MRPS35: variants seen among roughly 807,000 people sequenced by gnomAD.
MRPS35 encodes the protein mitochondrial ribosomal protein S35.
In MRPS35, 29 loss-of-function variants were observed where a neutral mutation model predicts 32.7. The ratio of observed to expected loss-of-function variants is 0.89; its 90% CI spans 0.66 to 1.21. The LOEUF (loss-of-function observed/expected upper bound fraction) is 1.21. Ranked by LOEUF, MRPS35 falls within the 50% of genes most tolerant of loss-of-function variation. The pLI is 0.00. For missense variants in MRPS35, 373 were observed against 383.8 expected, an observed-to-expected ratio of 0.97 and a Z score of 0.23; for synonymous variants, 148 against 139.3, an observed-to-expected ratio of 1.06 and a Z score of -0.44.
chr12:27,738,899 T>C (rs2140774307), intron 7 of MRPS35, among the ~76,000 whole-genome samples: 1 of 151,920 alleles, frequency 6.6e-6, no homozygotes, highest in East Asian at 1.9e-4. Context: ...AGACAGACTT[T>C]GGTTTACTGA....
chr12:27,725,878 T>C (rs1338827052), intron 5 of MRPS35, among the ~76,000 whole-genome samples: 1 of 138,232 alleles, frequency 7.2e-6, no homozygotes, highest in Non-Finnish European at 1.5e-5. Context: ...CGATCTTGGC[T>C]CACTGCAGTC....
Position 27,755,629 on chromosome 12 carries a change from T to C in MRPS35, c.*179T>C. 2.1e-5 allele frequency: 10 copies of C among 481,028 alleles called. No homozygotes were observed. Among genetic ancestry groups the C allele is most frequent in the Non-Finnish European group, 2.4e-5 (7 of 291,110 alleles). The allele number at this position is 481,028 out of a possible 1,614,324, so 29.8% of individuals were successfully genotyped here. ...CTCCAGAGTTTTTTAATTTTTACAC[T>C]GGGGCAATAGACTAGGAGGTCTCTG... is the stretch of plus-strand genomic sequence containing the variant. On this transcript the variant is annotated 3_prime_UTR_variant, in exon 8 of 8. Transcript: ENST00000081029.
intron 7 of MRPS35, among the ~76,000 whole-genome samples, chr12:27,749,329 CA>C (rs35621557): frequency 1.4e-5 from 2 of 148,036 alleles, no homozygotes; most frequent in Admixed American, 6.7e-5. Context: ...GGAAACTTAC[CA>C]AAAAAAAAGC....
intron 4 of MRPS35, among the ~76,000 whole-genome samples, chr12:27,720,511 G>T (rs537130228): frequency 1.6e-4 from 24 of 151,920 alleles, no homozygotes; most frequent in African/African-American, 5.8e-4. Flanking sequence ...TAAAAAATTA[G>T]TGACACATGC....
In MRPS35 at chr12:27,716,288, T is replaced by C. The variant is rs1490810422; in HGVS notation, c.154-3T>C. On this transcript the variant is annotated splice_region_variant and splice_polypyrimidine_tract_variant and intron_variant, in intron 2 of 7. Coordinates refer to ENST00000081029, the MANE Select transcript of MRPS35 (RefSeq NM_021821.4). ...AAATACTAAACGATTTTATATTTCT[T>C]AGGCACTACCTCCTAGGACAGAGAA... 1 of 1,558,974 alleles carries C rather than the reference T, an allele frequency of 6.4e-7. No homozygotes were observed. The highest frequency in any genetic ancestry group is 2.1e-5 in the Admixed American group (1 of 47,436).
At chr12:27,743,384 C>A (rs1005990217) in intron 7 of MRPS35, among the ~76,000 whole-genome samples, 1 of 151,762 alleles carries the variant, frequency 6.6e-6, no homozygotes, top group African/African-American at 2.4e-5. Flanking sequence ...ATAAATTAGC[C>A]GGGTGTGGTG....
At chr12:27,713,124 A>G (rs773394037) in intron 1 of MRPS35, among the ~76,000 whole-genome samples, 2 of 152,202 alleles carry the variant, frequency 1.3e-5, no homozygotes, top group Non-Finnish European at 2.9e-5. Context: ...AATTTCAGCC[A>G]TATTGAATTT....
intron 5 of MRPS35, among the ~76,000 whole-genome samples, chr12:27,731,629 C>T (rs185868410): frequency 4.6e-5 from 7 of 152,194 alleles, no homozygotes; most frequent in South Asian, 2.1e-4. Flanking sequence ...AGTCCAGTGG[C>T]GCGATCTTGG....
intron 5 of MRPS35, among the ~76,000 whole-genome samples, chr12:27,728,592 T>C (rs2061909352): frequency 1.3e-5 from 2 of 152,120 alleles, no homozygotes; most frequent in Non-Finnish European, 2.9e-5. Flanking sequence ...ATTTCCCCTA[T>C]TGCCTTACAA....
chr12:27,755,154 A>ATT, intron 7 of MRPS35, 27 bp from the exon 8 acceptor site: 4 of 1,466,598 alleles, frequency 2.7e-6, no homozygotes, highest in South Asian at 1.4e-5. Context: ...TTCAGAACTC[A>ATT]TTTTTTTTTG....
At chr12:27,728,633 C>A (rs957740802) in intron 5 of MRPS35, among the ~76,000 whole-genome samples, 1 of 152,066 alleles carries the variant, frequency 6.6e-6, no homozygotes, top group Non-Finnish European at 1.5e-5. Context: ...GTTATTGAAA[C>A]CAGAATCCCG....
chr12:27,713,471 C>G (rs2061836151), intron 1 of MRPS35, among the ~76,000 whole-genome samples: 1 of 152,150 alleles, frequency 6.6e-6, no homozygotes, highest in Non-Finnish European at 1.5e-5. Context: ...GGCTGAAGGC[C>G]TAAGAACTCA....
chr12:27,746,106 A>C (rs932539122), intron 7 of MRPS35, among the ~76,000 whole-genome samples: 1 of 152,178 alleles, frequency 6.6e-6, no homozygotes, highest in African/African-American at 2.4e-5. Flanking sequence ...GCAGAATCAG[A>C]ATCTCTAGCT....
intron 7 of MRPS35, among the ~76,000 whole-genome samples, chr12:27,741,198 TAAGC>T (rs972906687): frequency 2.6e-5 from 4 of 151,886 alleles, no homozygotes; most frequent in African/African-American, 4.8e-5. Flanking sequence ...AATTAAAAAA[TAAGC>T]AAGGAGAGTT....
chr12:27,719,525 G>C (rs2061864653), intron 3 of MRPS35, among the ~76,000 whole-genome samples: 1 of 151,822 alleles, frequency 6.6e-6, no homozygotes, highest in African/African-American at 2.4e-5. Context: ...AATTAGCCGG[G>C]CGTGGTGGCG....
intron 4 of MRPS35, among the ~76,000 whole-genome samples, chr12:27,721,415 T>C (rs907114785): frequency 6.6e-6 from 1 of 152,174 alleles, no homozygotes; most frequent in African/African-American, 2.4e-5. Flanking sequence ...GCTCGCACTT[T>C]GGGAGTCTGA....
chr12:27,711,006 A>C (rs752420298), intron 1 of MRPS35, 51 bp downstream of exon 1: 7 of 1,538,284 alleles, frequency 4.6e-6, no homozygotes, highest in Non-Finnish European at 6.2e-6. Context: ...GCAAGAGCGG[A>C]ATACCGGCCT....
At chr12:27,711,181 C>G (rs2061819926) in intron 1 of MRPS35, among the ~76,000 whole-genome samples, 1 of 152,228 alleles carries the variant, frequency 6.6e-6, no homozygotes, top group Admixed American at 6.5e-5. Flanking sequence ...TGGGAGTTTG[C>G]TCAGAAAGCT....
At chr12:27,720,032 A>G (rs1323372410) in intron 4 of MRPS35, among the ~76,000 whole-genome samples, 164 bp downstream of exon 4, 2 of 152,194 alleles carry the variant, frequency 1.3e-5, no homozygotes, top group South Asian at 2.1e-4. Flanking sequence ...GGTATTAGGA[A>G]TAATAATTAG....
Sources: gnomAD v4.1 joint callset for allele counts (sites outside exome capture counted in the v4.1 genomes callset) on GRCh38, gnomAD v4.1.1 for gene constraint, MANE v1.5 for transcripts, NCBI Gene and HGNC (gene_info 2026-07-23, HGNC 2026-07-21) for gene names.